Variants in NOTCH1 observed in about 807,000 individuals in gnomAD.
NOTCH1 encodes the protein notch receptor 1, also known as neurogenic locus notch homolog protein 1.
Under a neutral mutation model 254.8 loss-of-function variants are expected in NOTCH1, and 37 were observed. The observed-to-expected ratio is 0.15, with a 90% CI of 0.11 to 0.19. The LOEUF (loss-of-function observed/expected upper bound fraction) is 0.19. Ranked by LOEUF, NOTCH1 falls within the 10% of genes least tolerant of loss-of-function variation. The pLI is 1.00. For synonymous variants in NOTCH1, 1,731 were observed against 1,618.1 expected (o/e 1.07, Z -1.68); for missense variants, 2,972 against 3,708.6 (o/e 0.80, Z 5.16).
chr9:136,505,442 T>G lies in NOTCH1; in HGVS notation c.4454A>C (p.Asp1485Ala), dbSNP rs1450149257. ...AGACTGCGTGCAGTTCTTCCAGGGG[T>G]CATTGAAGTTGAGGGAGCAGTCACC... ...DGGDCSLNFN[D>A]PWKNCTQSLQ... Residue 1485 changes from aspartate to alanine, a missense_variant, in exon 25 of 34, where the codon GAC becomes GCC. By Grantham distance (126) the Asp-to-Ala change is moderately radical (BLOSUM62 -2). This residue lies in a region of NOTCH1 where 1,343 missense variants were observed against 1,557.0 expected (regional missense o/e 0.86). Transcript: ENST00000651671. The G allele has an allele frequency of 6.2e-7, 1 of 1,612,494 alleles. No homozygotes were observed. The highest frequency in any genetic ancestry group is 1.3e-5 in the African/African-American group (1 of 74,828).
rs921055336 is a variant in NOTCH1 at position 136,511,401 on chromosome 9, G to A, written c.2468-130C>T. On this transcript the variant is annotated intron_variant, in intron 15 of 33. Transcript: ENST00000651671. ...TCCCGCCGGGAGGCAAATGTGCACCGAGACCCCTGAGCGCTCCCGGCTGTG... is the reference window on the plus strand; with the variant it reads ...TCCCGCCGGGAGGCAAATGTGCACCAAGACCCCTGAGCGCTCCCGGCTGTG... The A allele has an allele frequency of 6.7e-6, 8 of 1,192,534 alleles. No homozygotes were observed. In the East Asian group the frequency reaches 7.7e-5, roughly 11 times the overall value. 73.9% of individuals were successfully genotyped at this position (1,192,534 alleles called of 1,614,324 possible).
intron 27 of NOTCH1, chr9:136,502,869 T>C: frequency 1.7e-6 from 1 of 596,480 alleles, no homozygotes; most frequent in South Asian, 1.8e-5. Flanking sequence ...TCTTTTTTTT[T>C]CTTTAAAAAA....
chr9:136,515,273 C>A lies in NOTCH1; in HGVS notation c.2014+17G>T, dbSNP rs117807334. The A allele has an allele frequency of 7.5e-6, 12 of 1,609,410 alleles. No homozygotes were observed. The highest frequency in any genetic ancestry group is 4.0e-5 in the African/African-American group (3 of 74,896). ...CTGAGCACAGTGCAGTCAGCCCCCA[C>A]GTGCAGGGCCGCTCACCTGTGTAGC... On this transcript the variant is annotated intron_variant, in intron 12 of 33. Coordinates refer to ENST00000651671, the MANE Select transcript of NOTCH1 (RefSeq NM_017617.5).
At position 136,521,463 on chromosome 9, in the gene NOTCH1, C is replaced by A. The variant is rs545975894; in HGVS notation, c.742+1387G>T. ...TGGGCCTCACCAGGAGGTCCTCACC[C>A]ACCCTGCCCAAGGCGGGTGGGCATC... is the stretch of plus-strand genomic sequence containing the variant. On this transcript the variant is annotated intron_variant, in intron 4 of 33. Coordinates refer to ENST00000651671, the MANE Select transcript of NOTCH1 (RefSeq NM_017617.5). Among the ~76,000 whole-genome samples the A allele has an allele frequency of 1.2e-3, 185 of 152,278 alleles. 1 individual carries two copies. The highest frequency in any genetic ancestry group is 4.2e-3 in the African/African-American group (174 of 41,562).
chr9:136,503,127 G>T, intron 27 of NOTCH1, 55 bp downstream of exon 27: 2 of 1,610,386 alleles, frequency 1.2e-6, no homozygotes. Flanking sequence ...CTGGGGCACG[G>T]GGGGATGGCA....
chr9:136,525,991 C>T (rs986928131), intron 2 of NOTCH1, among the ~76,000 whole-genome samples: 2 of 152,268 alleles, frequency 1.3e-5, no homozygotes, highest in Non-Finnish European at 2.9e-5. Context: ...TCCAAAGGGG[C>T]TCTGGGGAAT....
chr9:136,499,829 C>G (rs533088639), intron 31 of NOTCH1, among the ~76,000 whole-genome samples: 3 of 152,362 alleles, frequency 2.0e-5, no homozygotes, highest in Non-Finnish European at 4.4e-5. Context: ...CTGAGAGAGG[C>G]ACACACCAAA....
rs2133371279 is a variant in NOTCH1 at position 136,518,739 on chromosome 9, A to G, written c.951T>C (p.Gly317=). The change falls in exon 6 of 34, where the codon GGT becomes GGC. Residue 317 remains glycine (G), a synonymous_variant. Coordinates refer to ENST00000651671, the MANE Select transcript of NOTCH1 (RefSeq NM_017617.5). ...QNGGTCHNTH[G]GYNCVCVNGW... is the part of the protein sequence containing the mutation. ...CGTTGACACACACGCAGTTGTAGCC[A>G]CCGTGGGTGTTGTGGCAGGTCCCGC... 6.2e-7 allele frequency: 1 copy of G among 1,612,830 alleles called. No homozygotes were observed. Among genetic ancestry groups the G allele is most frequent in the African/African-American group, 1.3e-5 (1 of 75,030 alleles).
chr9:136,514,747 G>T (rs771548196), intron 12 of NOTCH1, 45 bp from the exon 13 acceptor site: 3 of 1,585,370 alleles, frequency 1.9e-6, no homozygotes, highest in Middle Eastern at 1.7e-4. Flanking sequence ...CGCCCAGGGG[G>T]TCCCACCCAC....
Position 136,513,532 on chromosome 9 carries a change from T to C in NOTCH1, c.2213A>G (p.Lys738Arg). The C allele has an allele frequency of 6.2e-7, 1 of 1,612,984 alleles. No individual in the cohort carries two copies. The highest frequency in any genetic ancestry group is 8.5e-7 in the Non-Finnish European group (1 of 1,179,976). The change falls in exon 14 of 34, where the codon AAG becomes AGG. Residue 738 changes from lysine to arginine, a missense_variant. Transcript: ENST00000651671. This position sits in a 1 kb window ranked among gnomAD's most constrained non-coding sequence, Gnocchi z 4.7. ...GACRDSLNGYKCDCDPGWSGT... is the reference protein window; with the variant it reads ...GACRDSLNGYRCDCDPGWSGT... ...ACTCCACCCAGGGTCACAGTCGCACTTGTACCTGCAAGGGGGACCACACTG... is the reference window on the plus strand; with the variant it reads ...ACTCCACCCAGGGTCACAGTCGCACCTGTACCTGCAAGGGGGACCACACTG...
intron 2 of NOTCH1, among the ~76,000 whole-genome samples, chr9:136,539,587 G>A (rs1427296867): frequency 2.0e-5 from 3 of 152,076 alleles, no homozygotes; most frequent in East Asian, 1.9e-4. Flanking sequence ...CGGGGGTTTC[G>A]CCATGTTGGC....
chr9:136,504,869 G>A lies in NOTCH1; in HGVS notation c.4822C>T (p.Arg1608Cys), dbSNP rs775109231. The A allele has an allele frequency of 1.1e-5, 17 of 1,583,494 alleles. No homozygotes were observed. The highest frequency in any genetic ancestry group is 8.0e-5 in the African/African-American group (6 of 74,560). The change falls in exon 26 of 34, where the codon CGT (arginine) becomes TGT (cysteine). Residue 1608 changes from arginine (R) to cysteine (C), a missense_variant. Around this residue, in one of 8 missense-constraint regions of NOTCH1, gnomAD observed 1,343 missense variants for 1,557.0 expected, o/e 0.86. Transcript: ENST00000651671. ...RVLHTNVVFKRDAHGQQMIFP... is the reference protein window; with the variant it reads ...RVLHTNVVFKCDAHGQQMIFP... ...ATCATCTGCTGGCCGTGTGCGTCACGCTTGAAGACCACGTTGGTGTGCAGC... is the reference window on the plus strand; with the variant it reads ...ATCATCTGCTGGCCGTGTGCGTCACACTTGAAGACCACGTTGGTGTGCAGC...
intron 2 of NOTCH1, among the ~76,000 whole-genome samples, chr9:136,525,831 G>A (rs1197073440): frequency 6.6e-6 from 1 of 152,244 alleles, no homozygotes; most frequent in Non-Finnish European, 1.5e-5. Flanking sequence ...TGTCCCAAAG[G>A]CCCGGGAGGC....
At chr9:136,519,416 C>T in intron 5 of NOTCH1, 27 bp downstream of exon 5, 2 of 1,612,162 alleles carry the variant, frequency 1.2e-6, no homozygotes, top group Non-Finnish European at 1.7e-6. Context: ...CCCGGCTACC[C>T]CGCCCTGCGG....
rs749323440 is a variant in NOTCH1 at position 136,502,254 on chromosome 9, G to A, written c.5384+18C>T. 3.1e-6 allele frequency: 5 copies of A among 1,606,286 alleles called. No individual in the cohort carries two copies. In the Middle Eastern group the frequency reaches 8.4e-4, roughly 269 times the overall value. On this transcript the variant is annotated intron_variant, in intron 28 of 33. Coordinates refer to ENST00000651671, the MANE Select transcript of NOTCH1 (RefSeq NM_017617.5). ...ACCTCCCACCGGGGACCCAGAAGCA[G>A]GGGCGGCGTCCGCTCACTTGAGGCC...
rs767497870 is a variant in NOTCH1, at chr9:136,496,613, G to T, written c.7126C>A (p.Gln2376Lys). The T allele has an allele frequency of 6.2e-7, 1 of 1,613,064 alleles. No homozygotes were observed. The highest frequency in any genetic ancestry group is 1.7e-5 in the Admixed American group (1 of 60,036). Residue 2376 changes from glutamine to lysine, a missense_variant, in exon 34 of 34, where the codon CAG becomes AAG. Physicochemically the swap from Gln to Lys is moderately conservative, Grantham distance 53 (BLOSUM62 1). Around this residue, in one of 8 missense-constraint regions of NOTCH1, gnomAD observed 529 missense variants for 529.2 expected, o/e 1.00. Transcript: ENST00000651671. ...TGCTGGGTCTGCACCAGGTGAGGCTGGGTGGCCAGCCGGGTGCTGGGCAGG... is the reference window on the plus strand; with the variant it reads ...TGCTGGGTCTGCACCAGGTGAGGCTTGGTGGCCAGCCGGGTGCTGGGCAGG... The part of the protein sequence containing the change: ...QGLPSTRLAT[Q>K]PHLVQTQQVQ...
chr9:136,544,209 C>T (rs1234510381), intron 1 of NOTCH1, 107 bp from the exon 2 acceptor site: 22 of 1,035,084 alleles, frequency 2.1e-5, no homozygotes, highest in Non-Finnish European at 3.2e-5. Flanking sequence ...GGGCATCGTC[C>T]GCCCCCTACC....
chr9:136,501,952 C>T (rs372075525), intron 29 of NOTCH1, 39 bp from the exon 30 acceptor site: 22 of 1,611,520 alleles, frequency 1.4e-5, no homozygotes, highest in African/African-American at 9.3e-5. Context: ...CAGGGCAGCC[C>T]GGCAGCAGGT....
chr9:136,505,701 T>A lies in NOTCH1; in HGVS notation c.4195A>T (p.Asn1399Tyr). Residue 1399 changes from asparagine to tyrosine, a missense_variant, in exon 25 of 34, where the codon AAC (asparagine) becomes TAC (tyrosine). Asn to Tyr is a moderately radical substitution (Grantham distance 143). This residue lies in a region of NOTCH1 where 1,343 missense variants were observed against 1,557.0 expected (regional missense o/e 0.86). Transcript: ENST00000651671. ...SPCLGGNPCY[N>Y]QGTCEPTSES... ...GATGTGGGCTCACAGGTCCCCTGGT[T>A]GTAGCAGGGGTTGCCGCCCAGGCAG... 6.2e-7 allele frequency: 1 copy of A among 1,606,852 alleles called. No individual in the cohort carries two copies. The highest frequency in any genetic ancestry group is 8.5e-7 in the Non-Finnish European group (1 of 1,176,004).
Sources: gnomAD v4.1 joint callset for allele counts (sites outside exome capture counted in the v4.1 genomes callset) on GRCh38, gnomAD v4.1.1 for gene constraint, gnomAD v4.1.1 regional missense constraint, Gnocchi (gnomAD v3.1) non-coding constraint, MANE v1.5 for transcripts, NCBI Gene and HGNC (gene_info 2026-07-23, HGNC 2026-07-21) for gene names.